Variants in FNDC3A observed in about 807,000 individuals in gnomAD.
FNDC3A encodes the protein fibronectin type-III domain-containing protein 3A.
A neutral mutation model predicts 148.9 loss-of-function variants in FNDC3A; 32 were observed. That is an observed-to-expected ratio of 0.21 (90% confidence interval 0.16 to 0.29). The LOEUF (loss-of-function observed/expected upper bound fraction) is 0.29. Ranked by LOEUF, FNDC3A falls within the 10% of genes least tolerant of loss-of-function variation. The probability of loss-of-function intolerance (pLI) is 1.00; values close to 1 mark genes in which losing one functional copy is unlikely to be tolerated. For missense variants in FNDC3A, 1,191 were observed against 1,452.8 expected, an observed-to-expected ratio of 0.82 and a Z score of 2.93; for synonymous variants, 472 against 473.6, an observed-to-expected ratio of 1.00 and a Z score of 0.04.
intron 5 of FNDC3A, among the ~76,000 whole-genome samples, chr13:49,132,709 A>G (rs981040600): frequency 1.3e-5 from 2 of 152,120 alleles, no homozygotes; most frequent in Non-Finnish European, 2.9e-5. Flanking sequence ...CAGTTTTTCA[A>G]AACCACCAAG....
chr13:49,030,784 G>A (rs1230869167), intron 2 of FNDC3A, among the ~76,000 whole-genome samples: 1 of 151,974 alleles, frequency 6.6e-6, no homozygotes, highest in Non-Finnish European at 1.5e-5. Context: ...AAAATACTTA[G>A]GAATGTTTAA....
chr13:48,985,654 A>T (rs9535125), intron 1 of FNDC3A, among the ~76,000 whole-genome samples: 26,764 of 152,134 alleles, frequency 0.18, 2,933 homozygotes, highest in Non-Finnish European at 0.24. Context: ...ATTCATACAC[A>T]CACAAAAAAA....
At chr13:49,101,674 C>T (rs1307244641) in intron 3 of FNDC3A, among the ~76,000 whole-genome samples, 2 of 151,806 alleles carry the variant, frequency 1.3e-5, no homozygotes, top group African/African-American at 4.8e-5. Flanking sequence ...ACTGATTCAT[C>T]TGTTGTAGCT....
At chr13:48,994,556 A>G (rs1951986591) in intron 1 of FNDC3A, among the ~76,000 whole-genome samples, 1 of 152,194 alleles carries the variant, frequency 6.6e-6, no homozygotes, top group Non-Finnish European at 1.5e-5. Context: ...ACGCGGGCAG[A>G]TCACAAGGTC....
chr13:49,093,501 C>T (rs965964722), intron 3 of FNDC3A, among the ~76,000 whole-genome samples: 1 of 152,204 alleles, frequency 6.6e-6, no homozygotes, highest in Admixed American at 6.5e-5. Context: ...GCAACCCTTT[C>T]AGCTAACTAT....
chr13:49,011,315 C>T (rs1271744794), intron 2 of FNDC3A, among the ~76,000 whole-genome samples: 1 of 151,908 alleles, frequency 6.6e-6, no homozygotes, highest in Non-Finnish European at 1.5e-5. Context: ...CTCACTGCAA[C>T]CTCCGCCTCC....
At chr13:49,186,231 G>T (rs1486811780) in intron 15 of FNDC3A, 129 bp downstream of exon 15, 31 of 709,254 alleles carry the variant, frequency 4.4e-5, no homozygotes, top group Middle Eastern at 8.1e-4. Flanking sequence ...AAATGTGAGA[G>T]TCATTCATTG....
intron 8 of FNDC3A, among the ~76,000 whole-genome samples, chr13:49,156,799 T>G (rs1230812803): frequency 1.1e-5 from 1 of 90,588 alleles, no homozygotes. Flanking sequence ...TGGCTGGATA[T>G]GAAATTCTGG....
At chr13:48,996,077 G>A (rs182960419) in intron 1 of FNDC3A, among the ~76,000 whole-genome samples, 1 of 152,272 alleles carries the variant, frequency 6.6e-6, no homozygotes, top group Admixed American at 6.5e-5. Flanking sequence ...TCTCCTGAAA[G>A]GGTACTTAGA....
At chr13:49,202,972 T>A (rs1181449841) in intron 24 of FNDC3A, among the ~76,000 whole-genome samples, 185 bp from the exon 25 acceptor site, 1 of 152,254 alleles carries the variant, frequency 6.6e-6, no homozygotes, top group African/African-American at 2.4e-5. Flanking sequence ...AGATCCCATA[T>A]CTTAGAATAC....
At chr13:49,196,756 AAATT>A (rs1886174837) in intron 19 of FNDC3A, 117 bp from the exon 20 acceptor site, 5 of 510,996 alleles carry the variant, frequency 9.8e-6, no homozygotes, top group African/African-American at 1.9e-5. Context: ...AATTATGACC[AAATT>A]AATCTTGAAA....
rs1376886095 is a variant in FNDC3A at position 49,202,238 on chromosome 13, G to A, written c.3154+272G>A. On this transcript the variant is annotated intron_variant, in intron 24 of 25. Transcript: ENST00000492622. ...AAATACTAAATTGAATAGGAAGGCTGGTTTTCTAATGAGGTCATTTGCTTA... is the reference window on the plus strand; with the variant it reads ...AAATACTAAATTGAATAGGAAGGCTAGTTTTCTAATGAGGTCATTTGCTTA... Among the ~76,000 whole-genome samples the A allele has an allele frequency of 5.9e-5, 9 of 152,218 alleles. No individual in the cohort carries two copies. In the East Asian group the frequency reaches 1.4e-3, roughly 23 times the overall value.
chr13:48,984,105 G>A (rs1951746680), intron 1 of FNDC3A, among the ~76,000 whole-genome samples: 1 of 152,166 alleles, frequency 6.6e-6, no homozygotes, highest in Non-Finnish European at 1.5e-5. Flanking sequence ...ATGAAATACA[G>A]TAATAAGAAG....
At chr13:49,099,246 T>C (rs531695552) in intron 3 of FNDC3A, among the ~76,000 whole-genome samples, 1 of 152,296 alleles carries the variant, frequency 6.6e-6, no homozygotes, top group African/African-American at 2.4e-5. Context: ...CCTTGATCTC[T>C]AGTAAGTAGC....
At position 49,202,020 on chromosome 13, in the gene FNDC3A, A is replaced by G. The variant is rs113306892; in HGVS notation, c.3154+54A>G. On this transcript the variant is annotated intron_variant, in intron 24 of 25. Transcript: ENST00000492622. Reference sequence around the variant, plus strand: ...TTTATAATAAATTACTTTTTAATGTATTTTCATAAATGCTTTGTTTACTGA... The same window carrying G: ...TTTATAATAAATTACTTTTTAATGTGTTTTCATAAATGCTTTGTTTACTGA... 91 of 1,126,952 alleles carry G rather than the reference A, an allele frequency of 8.1e-5. No individual in the cohort carries two copies. The Middle Eastern group carries it at 1.0e-3, about 13-fold the overall frequency. The allele number at this position is 1,126,952 out of a possible 1,614,324, so 69.8% of individuals were successfully genotyped here.
At chr13:49,149,852 T>C (rs1883188842) in intron 8 of FNDC3A, among the ~76,000 whole-genome samples, 1 of 152,206 alleles carries the variant, frequency 6.6e-6, no homozygotes, top group South Asian at 2.1e-4. Flanking sequence ...TATTACTGAT[T>C]CAATCTCATT....
Position 49,178,665 on chromosome 13 carries a change from A to G in FNDC3A, c.1617+11A>G, listed in dbSNP as rs754415299. On this transcript the variant is annotated intron_variant, in intron 14 of 25. Transcript: ENST00000492622. ...AAGTATAAATTTAAGGTAAGCTTTG[A>G]AAACCCTTAAACGATTTGTTCCTTG... 1 of 1,417,072 alleles carries G rather than the reference A, an allele frequency of 7.1e-7. No individual in the cohort carries two copies. The highest frequency in any genetic ancestry group is 9.7e-7 in the Non-Finnish European group (1 of 1,030,702). 87.8% of individuals were successfully genotyped at this position (1,417,072 alleles called of 1,614,324 possible). A position where few individuals can be genotyped will look rare whatever the true frequency, so the allele number is the denominator to read the frequency against.
intron 19 of FNDC3A, among the ~76,000 whole-genome samples, chr13:49,192,400 C>G (rs1885931700): frequency 6.6e-6 from 1 of 151,988 alleles, no homozygotes; most frequent in Non-Finnish European, 1.5e-5. Context: ...GCTCAGGTGA[C>G]CCTTCTACCT....
chr13:49,046,207 C>G (rs1875393959), intron 2 of FNDC3A: 1 of 155,976 alleles, frequency 6.4e-6, no homozygotes, highest in Admixed American at 6.5e-5. Flanking sequence ...ATGTTCTTAT[C>G]AGTCCTCAGA....
Sources: allele counts gnomAD v4.1 joint callset (sites outside exome capture counted in the v4.1 genomes callset), GRCh38; gene constraint gnomAD v4.1.1; transcripts MANE v1.5; gene names NCBI Gene and HGNC (gene_info 2026-07-23, HGNC 2026-07-21).